Variants in CARF observed in about 807,000 individuals in gnomAD.
The protein encoded by CARF is calcium-responsive transcription factor.
In CARF, 57 loss-of-function variants were observed where a neutral mutation model predicts 82.0. The observed-to-expected ratio is 0.70, with a 90% CI of 0.56 to 0.87. The LOEUF is 0.87. Ranked by LOEUF, CARF falls within the 40% of genes least tolerant of loss-of-function variation. The probability of loss-of-function intolerance (pLI) is 0.00; values close to 1 mark genes in which losing one functional copy is unlikely to be tolerated. For synonymous variants in CARF, 268 were observed against 290.1 expected, an observed-to-expected ratio of 0.92 and a Z score of 0.77; for missense variants, 771 against 855.8, an observed-to-expected ratio of 0.90 and a Z score of 1.24.
At chr2:202,916,887 A>C (rs944143508) in intron 1 of CARF, among the ~76,000 whole-genome samples, 3 of 152,162 alleles carry the variant, frequency 2.0e-5, no homozygotes, top group African/African-American at 4.8e-5. Context: ...CTGTCTAAAA[A>C]CAATAAAAAG....
chr2:202,919,060 ATACT>A (rs1690300928), intron 2 of CARF, among the ~76,000 whole-genome samples: 2 of 152,142 alleles, frequency 1.3e-5, no homozygotes, highest in Non-Finnish European at 2.9e-5. Flanking sequence ...TAAGCCAGTC[ATACT>A]TCCCTCAGTC....
At position 202,926,480 on chromosome 2, in the gene CARF, C is replaced by T. The variant is rs183971133; in HGVS notation, c.-44+2065C>T. ...CTATTTGTCTATTTTTACACCGATA[C>T]CATAATACCTTGATTGTTATATCTT... On this transcript the variant is annotated intron_variant, in intron 3 of 16. Coordinates refer to ENST00000438828, the MANE Select transcript of CARF (RefSeq NM_024744.17). Among the ~76,000 whole-genome samples the T allele has an allele frequency of 6.6e-5, 10 of 152,294 alleles. No individual in the cohort carries two copies. In the East Asian group the frequency reaches 1.7e-3, roughly 26 times the overall value.
At chr2:202,919,451 A>G (rs1329915327) in intron 2 of CARF, among the ~76,000 whole-genome samples, 1 of 152,182 alleles carries the variant, frequency 6.6e-6, no homozygotes, top group African/African-American at 2.4e-5. Flanking sequence ...CCCCTAAGCT[A>G]TTGGCACTTT....
rs1421165008 is a variant in CARF, at chr2:202,987,570, A to T, written c.*3946A>T. On this transcript the variant is annotated 3_prime_UTR_variant, in exon 17 of 17. Transcript: ENST00000438828. ...CAAAGCCTTAGTATATTTTTGCCAC[A>T]TACATGTTATGTATAAATTTTACTG... Among the ~76,000 whole-genome samples, 1 of 152,196 alleles carries T rather than the reference A, an allele frequency of 6.6e-6. No homozygotes were observed. Among genetic ancestry groups the T allele is most frequent in the African/African-American group, 2.4e-5 (1 of 41,462 alleles).
chr2:202,913,403 A>G (rs942236976), intron 1 of CARF, among the ~76,000 whole-genome samples: 10 of 152,228 alleles, frequency 6.6e-5, no homozygotes, highest in Non-Finnish European at 1.5e-4. Context: ...ATCAACTATA[A>G]GAATTAACTG....
At chr2:202,921,450 C>T (rs1202050818) in intron 2 of CARF, among the ~76,000 whole-genome samples, 1 of 152,106 alleles carries the variant, frequency 6.6e-6, no homozygotes, top group Non-Finnish European at 1.5e-5. Flanking sequence ...TCCATAATTG[C>T]GTTAGTTAAT....
At chr2:202,948,965 A>G (rs1223823712) in intron 5 of CARF, among the ~76,000 whole-genome samples, 1 of 152,004 alleles carries the variant, frequency 6.6e-6, no homozygotes, top group Admixed American at 6.5e-5. Context: ...CCTATTTACT[A>G]TGATGTTGGC....
chr2:202,920,795 G>A (rs954566872), intron 2 of CARF, among the ~76,000 whole-genome samples: 1 of 152,040 alleles, frequency 6.6e-6, no homozygotes, highest in Non-Finnish European at 1.5e-5. Flanking sequence ...TTTTTAAAAC[G>A]TTATATTCCT....
chr2:202,942,044 T>G, intron 4 of CARF, 64 bp downstream of exon 4: 1 of 1,260,420 alleles, frequency 7.9e-7, no homozygotes, highest in Non-Finnish European at 1.2e-6. Flanking sequence ...TTAACAGCTC[T>G]TTATGCTCAA....
At chr2:202,930,430 TTC>T (rs1692677062) in intron 3 of CARF, among the ~76,000 whole-genome samples, 1 of 152,202 alleles carries the variant, frequency 6.6e-6, no homozygotes, top group African/African-American at 2.4e-5. Flanking sequence ...TTTCCTTCTT[TTC>T]TCTCTCTGGG....
intron 16 of CARF, 101 bp from the exon 17 acceptor site, chr2:202,983,405 G>A: frequency 2.6e-6 from 2 of 761,318 alleles, no homozygotes; most frequent in Non-Finnish European, 2.1e-6. Flanking sequence ...AAGAACAAAA[G>A]TTTTCACAGA....
Position 202,952,683 on chromosome 2 carries a change from A to G in CARF, c.427+4A>G, listed in dbSNP as rs769465657. 5.6e-6 allele frequency: 9 copies of G among 1,608,078 alleles called. No homozygotes were observed. The South Asian group carries it at 1.0e-4, about 18-fold the overall frequency. On this transcript the variant is annotated splice_donor_region_variant and intron_variant, in intron 6 of 16. Coordinates refer to ENST00000438828, the MANE Select transcript of CARF (RefSeq NM_024744.17). ...GTGGATGTGAATAGTCCTCGGGGTG[A>G]GTAACAACGGGATATAGGGGATTTG...
chr2:202,930,994 A>G (rs191602009), intron 3 of CARF, among the ~76,000 whole-genome samples: 11,729 of 107,362 alleles, frequency 0.11, 648 homozygotes, highest in Middle Eastern at 0.18. Context: ...TTTTTTTGGC[A>G]ACGGAGTTTC....
At chr2:202,955,382 T>C (rs1275728732) in intron 7 of CARF, among the ~76,000 whole-genome samples, 3 of 152,218 alleles carry the variant, frequency 2.0e-5, no homozygotes, top group Non-Finnish European at 4.4e-5. Context: ...AAAACAGTTA[T>C]ATAATAAGAG....
chr2:202,962,811 T>C (rs1315225198), intron 9 of CARF: 1 of 152,242 alleles, frequency 6.6e-6, no homozygotes, highest in Non-Finnish European at 1.5e-5. Flanking sequence ...CATTGTATAA[T>C]ATTCCAGCAT....
rs751940184 is a variant in CARF at position 202,954,040 on chromosome 2, C to T, written c.463C>T (p.Pro155Ser). The change falls in exon 7 of 17, where the codon CCA (proline) becomes TCA (serine). Residue 155 changes from proline (P) to serine (S), a missense_variant. Transcript: ENST00000438828. Reference protein sequence around the residue: ...PEEKPSNRNLPTVRVDTLADN... With the variant: ...PEEKPSNRNLSTVRVDTLADN... Reference sequence around the variant, plus strand: ...AGAGAAACCCAGTAACAGAAACTTACCAACTGTAAGAGTGGATACTCTAGC... The same window carrying T: ...AGAGAAACCCAGTAACAGAAACTTATCAACTGTAAGAGTGGATACTCTAGC... The T allele has an allele frequency of 5.0e-6, 8 of 1,609,554 alleles. No individual in the cohort carries two copies. Among genetic ancestry groups the T allele is most frequent in the African/African-American group, 4.0e-5 (3 of 74,600 alleles).
In CARF at chr2:202,987,223, T is replaced by C. The variant is rs952161599; in HGVS notation, c.*3599T>C. Among the ~76,000 whole-genome samples, 1 of 151,904 alleles carries C rather than the reference T, an allele frequency of 6.6e-6. No homozygotes were observed. The highest frequency in any genetic ancestry group is 2.4e-5 in the African/African-American group (1 of 41,368). On this transcript the variant is annotated 3_prime_UTR_variant, in exon 17 of 17. Coordinates refer to ENST00000438828, the MANE Select transcript of CARF (RefSeq NM_024744.17). ...ATTTTAAAACAATGTGTGTAATAAG[T>C]AATTCTCCACGCCCACCCACCCCCA...
rs745337606 is a variant in CARF at position 202,983,602 on chromosome 2, A to T, written c.2156A>T (p.Tyr719Phe). Reference protein sequence around the residue: ...LSMEAKKTVDYKKLSAT With the variant: ...LSMEAKKTVDFKKLSAT ...ATGGAAGCAAAAAAAACTGTGGACT[A>T]TAAGAAATTATCTGCTACATAAATT... The change falls in exon 17 of 17, where the codon TAT becomes TTT. Residue 719 changes from tyrosine to phenylalanine, a missense_variant. Coordinates refer to ENST00000438828, the MANE Select transcript of CARF (RefSeq NM_024744.17). 1.9e-6 allele frequency: 3 copies of T among 1,599,700 alleles called. No homozygotes were observed. The Admixed American group carries it at 5.1e-5, about 27-fold the overall frequency.
intron 9 of CARF, 70 bp downstream of exon 9, chr2:202,961,496 C>T (rs1319168325): frequency 1.5e-6 from 2 of 1,373,886 alleles, no homozygotes; most frequent in South Asian, 1.2e-5. Flanking sequence ...TGTGATTTTC[C>T]TAAGGTGATA....
Sources: gnomAD v4.1 joint callset for allele counts (sites outside exome capture counted in the v4.1 genomes callset) on GRCh38, gnomAD v4.1.1 for gene constraint, MANE v1.5 for transcripts, NCBI Gene and HGNC (gene_info 2026-07-23, HGNC 2026-07-21) for gene names.